The following AFAP1L2 variants were observed in gnomAD, a reference collection of about 807,000 sequenced individuals.
The protein encoded by AFAP1L2 is actin filament associated protein 1 like 2, also known as actin filament-associated protein 1-like 2.
Under a neutral mutation model 99.3 loss-of-function variants are expected in AFAP1L2, and 46 were observed. The observed-to-expected ratio is 0.46, with a 90% CI of 0.37 to 0.59. The LOEUF is 0.59. Ranked by LOEUF, AFAP1L2 falls within the 20% of genes least tolerant of loss-of-function variation. AFAP1L2 has a pLI of 0.00. For missense variants in AFAP1L2, 959 were observed against 1,034.9 expected (o/e 0.93, Z 1.01); for synonymous variants, 397 against 419.1 (o/e 0.95, Z 0.64).
Position 114,323,196 on chromosome 10 carries a change from A to G in AFAP1L2, c.381T>C (p.Ala127=). ...CATTGAGGGATGTGTCATATGGCTC[A>G]GCCTCTTCATAGTAGCCCTCTGGAG... ...TESPEGYYEE[A]EPYDTSLNED... The change falls in exon 5 of 19, where the codon GCT becomes GCC. Residue 127 remains alanine, a synonymous_variant. Transcript: ENST00000304129. The G allele has an allele frequency of 6.2e-7, 1 of 1,601,102 alleles. No homozygotes were observed.
At position 114,295,967 on chromosome 10, in the gene AFAP1L2, A is replaced by C; in HGVS notation, c.*75T>G. The C allele has an allele frequency of 3.1e-6, 5 of 1,612,658 alleles. No homozygotes were observed. Among genetic ancestry groups the C allele is most frequent in the Non-Finnish European group, 4.2e-6 (5 of 1,179,034 alleles). ...TCTAAACAGACTCACCCTTTCGCATAGTTTTTGCTTTAACAAAGCAGGATT... is the reference window on the plus strand; with the variant it reads ...TCTAAACAGACTCACCCTTTCGCATCGTTTTTGCTTTAACAAAGCAGGATT... On this transcript the variant is annotated 3_prime_UTR_variant, in exon 19 of 19. Coordinates refer to ENST00000304129, the MANE Select transcript of AFAP1L2 (RefSeq NM_001001936.3).
At chr10:114,395,703 C>A (rs1327496436) in intron 1 of AFAP1L2, among the ~76,000 whole-genome samples, 2 of 152,150 alleles carry the variant, frequency 1.3e-5, no homozygotes, top group Non-Finnish European at 2.9e-5. Flanking sequence ...TCCCCTAAAC[C>A]CAAACAGATG....
In AFAP1L2 at chr10:114,304,761, G is replaced by A. The variant is rs1459547149; in HGVS notation, c.1242C>T (p.Ser414=). The change falls in exon 11 of 19, where the codon TCC becomes TCT. Residue 414 remains serine (S), a synonymous_variant. Coordinates refer to ENST00000304129, the MANE Select transcript of AFAP1L2 (RefSeq NM_001001936.3). ...VPDPSPDHLY[S]FRILHKGEEL... ...CCTCGCCCTTGTGGAGGATGCGGAA[G>A]GAGTAGAGGTGGTCGGGGCTGGGGT... The A allele has an allele frequency of 5.0e-6, 8 of 1,612,532 alleles. No homozygotes were observed. The highest frequency in any genetic ancestry group is 1.1e-5 in the South Asian group (1 of 91,062).
In AFAP1L2 at chr10:114,304,850, C is replaced by A. The variant is rs780400611; in HGVS notation, c.1153G>T (p.Asp385Tyr). 6.2e-7 allele frequency: 1 copy of A among 1,613,492 alleles called. No homozygotes were observed. The highest frequency in any genetic ancestry group is 8.5e-7 in the Non-Finnish European group (1 of 1,180,026). ...TGGGCCACCTTGCTCCGGTTCCGGTCCTGGTAGAAGTGCAGGTGATTGTCC... is the reference window on the plus strand; with the variant it reads ...TGGGCCACCTTGCTCCGGTTCCGGTACTGGTAGAAGTGCAGGTGATTGTCC... ...VRDNHLHFYQ[D>Y]RNRSKVAQQP... The change falls in exon 11 of 19, where the codon GAC becomes TAC. Residue 385 changes from aspartate (D) to tyrosine (Y), a missense_variant. This residue lies in a region of AFAP1L2 where 576 missense variants were observed against 562.1 expected (regional missense o/e 1.02). Transcript: ENST00000304129.
intron 1 of AFAP1L2, among the ~76,000 whole-genome samples, chr10:114,360,586 C>CAGACAGACAGACAGGTAGACAGAT (rs762587747): frequency 1.6e-4 from 24 of 148,854 alleles, no homozygotes; most frequent in African/African-American, 4.9e-4. Flanking sequence ...GATAGACAGA[C>CAGACAGACAGACAGGTAGACAGAT]CGACCTACTG....
chr10:114,281,768 G>A, the AFAP1L2 span: 159 of 985,098 alleles, frequency 1.6e-4, no homozygotes, highest in Non-Finnish European at 9.3e-5. Flanking sequence ...TCTCCCCATC[G>A]AAGCTTTAAG....
At chr10:114,301,704 A>C in intron 12 of AFAP1L2, 1 of 543,736 alleles carries the variant, frequency 1.8e-6, no homozygotes, top group Non-Finnish European at 3.3e-6. Flanking sequence ...TCCCTTGCCC[A>C]TACGCCTCGT....
downstream of AFAP1L2, among the ~76,000 whole-genome samples, chr10:114,294,371 G>A (rs74157581): frequency 6.6e-6 from 1 of 152,174 alleles, no homozygotes; most frequent in African/African-American, 2.4e-5. Flanking sequence ...GTCAGTATCT[G>A]TATTAAGGCC....
downstream of AFAP1L2, among the ~76,000 whole-genome samples, chr10:114,292,037 G>A (rs950409234): frequency 1.3e-5 from 2 of 152,148 alleles, no homozygotes; most frequent in African/African-American, 4.8e-5. Flanking sequence ...CAGCACTTTG[G>A]AGGCTGAGGC....
chr10:114,372,617 CAT>C (rs1383881350), intron 1 of AFAP1L2, among the ~76,000 whole-genome samples: 1 of 151,306 alleles, frequency 6.6e-6, no homozygotes, highest in Non-Finnish European at 1.5e-5. Context: ...ATGATGAAAA[CAT>C]ATTTATATAT....
intron 3 of AFAP1L2, among the ~76,000 whole-genome samples, chr10:114,332,166 A>G (rs962264297): frequency 6.6e-6 from 1 of 152,204 alleles, no homozygotes; most frequent in African/African-American, 2.4e-5. Context: ...GTCTAGCCAC[A>G]GAGCTTTGGC....
At chr10:114,318,205 C>T (rs1205302052) in intron 5 of AFAP1L2, among the ~76,000 whole-genome samples, 6 of 152,124 alleles carry the variant, frequency 3.9e-5, no homozygotes, top group African/African-American at 1.4e-4. Flanking sequence ...GTATAATAAG[C>T]GACATTTAAA....
chr10:114,364,924 C>T (rs2052989051), intron 1 of AFAP1L2, among the ~76,000 whole-genome samples: 1 of 152,182 alleles, frequency 6.6e-6, no homozygotes, highest in Non-Finnish European at 1.5e-5. Context: ...CATCCATGTT[C>T]CAGACCAAAC....
At chr10:114,403,158 G>A (rs1460934503) in intron 1 of AFAP1L2, among the ~76,000 whole-genome samples, 1 of 152,214 alleles carries the variant, frequency 6.6e-6, no homozygotes, top group Non-Finnish European at 1.5e-5. Context: ...TCCAGGGAGG[G>A]TTCACAGAAA....
At chr10:114,299,097 T>C (rs1224207906) in intron 16 of AFAP1L2, among the ~76,000 whole-genome samples, 163 bp downstream of exon 16, 1 of 152,176 alleles carries the variant, frequency 6.6e-6, no homozygotes, top group Non-Finnish European at 1.5e-5. Flanking sequence ...TCAGACAGGA[T>C]TGGAAGAAAG....
Position 114,327,461 on chromosome 10 carries a change from G to A in AFAP1L2, c.316-4200C>T, listed in dbSNP as rs549398836. ...ACTGTGAATATTAAATGAAGATCCA[G>A]AAGAGATTTAACATCAAAACCTGAA... On this transcript the variant is annotated intron_variant, in intron 4 of 18. Transcript: ENST00000304129. Among the ~76,000 whole-genome samples the A allele has an allele frequency of 6.6e-5, 10 of 152,064 alleles. No homozygotes were observed. In the South Asian group the frequency reaches 1.7e-3, roughly 25 times the overall value.
the AFAP1L2 span, chr10:114,282,510 T>C: frequency 3.1e-6 from 5 of 1,613,418 alleles, no homozygotes; most frequent in Non-Finnish European, 4.2e-6. Context: ...TTTCCTTGGA[T>C]TGTAGCTGGA....
chr10:114,362,271 G>A (rs2136598060), intron 1 of AFAP1L2, among the ~76,000 whole-genome samples: 1 of 152,266 alleles, frequency 6.6e-6, no homozygotes, highest in East Asian at 1.9e-4. Context: ...CCCCAAAAAA[G>A]ATATGTCTAA....
intron 4 of AFAP1L2, among the ~76,000 whole-genome samples, chr10:114,327,174 T>TATATATATATA (rs1491529827): frequency 5.3e-4 from 32 of 60,560 alleles, no homozygotes; most frequent in East Asian, 1.4e-3. Flanking sequence ...TATATATATA[T>TATATATATATA]TTTTTTTTTA....
Sources: allele counts gnomAD v4.1 joint callset (sites outside exome capture counted in the v4.1 genomes callset), GRCh38; gene constraint gnomAD v4.1.1; regional missense constraint gnomAD v4.1.1; transcripts MANE v1.5; gene names NCBI Gene and HGNC (gene_info 2026-07-23, HGNC 2026-07-21).